The following RASSF3 variants were observed in gnomAD, a reference collection of about 807,000 sequenced individuals.
RASSF3 encodes Ras association domain family member 3.
Under a neutral mutation model 19.9 loss-of-function variants are expected in RASSF3, and 19 were observed. That is an observed-to-expected ratio of 0.96 (90% CI 0.67 to 1.40). The LOEUF (loss-of-function observed/expected upper bound fraction) is 1.40, where lower values mean the gene tolerates loss of function less well. Among genes scored for constraint, RASSF3 ranks in the 40% most tolerant of loss-of-function variants. The pLI is 0.00. For synonymous variants in RASSF3, 110 were observed against 104.2 expected (o/e 1.06, Z -0.34); for missense variants, 306 against 289.8 (o/e 1.06, Z -0.41).
intron 2 of RASSF3, among the ~76,000 whole-genome samples, chr12:64,577,320 C>G (rs1203284104): frequency 6.6e-6 from 1 of 152,238 alleles, no homozygotes; most frequent in Non-Finnish European, 1.5e-5. Flanking sequence ...AGAAATTCCA[C>G]TTGCTGCTGC....
intron 2 of RASSF3, among the ~76,000 whole-genome samples, chr12:64,563,173 AT>A (rs111541685): frequency 1.3e-4 from 19 of 145,550 alleles, no homozygotes; most frequent in South Asian, 4.4e-4. Flanking sequence ...TTTTATTTTT[AT>A]TTTTTTTTTG....
At position 64,564,873 on chromosome 12, in the gene RASSF3, T is replaced by C. The variant is rs188964162; in HGVS notation, c.294+23168T>C. Among the ~76,000 whole-genome samples the C allele has an allele frequency of 7.0e-3, 1,065 of 151,868 alleles. 3 individuals carry two copies. The highest frequency in any genetic ancestry group is 0.013 in the Admixed American group (201 of 15,242). On this transcript the variant is annotated intron_variant, in intron 2 of 5. Coordinates refer to the RASSF3 transcript ENST00000637125. ...TCGGCTCACTGCAACCTCCAGCTCCTGGGTTCAAGTGATTCTCCTGCCTTA... is the reference window on the plus strand; with the variant it reads ...TCGGCTCACTGCAACCTCCAGCTCCCGGGTTCAAGTGATTCTCCTGCCTTA...
At chr12:64,664,309 G>T (rs115825749) in intron 1 of RASSF3, among the ~76,000 whole-genome samples, 2,001 of 152,212 alleles carry the variant, frequency 0.013, 45 homozygotes, top group African/African-American at 0.045. Flanking sequence ...AAAAAATGCT[G>T]CATTTCAGAA....
chr12:64,579,799 GT>G (rs1430859856), intron 2 of RASSF3, among the ~76,000 whole-genome samples: 1 of 129,630 alleles, frequency 7.7e-6, no homozygotes, highest in Non-Finnish European at 1.6e-5. Flanking sequence ...AAAACTAGGT[GT>G]TTTTTTGGGT....
chr12:64,512,656 C>CA (rs545534678), intron 1 of RASSF3, among the ~76,000 whole-genome samples: 16 of 151,750 alleles, frequency 1.1e-4, no homozygotes, highest in South Asian at 4.2e-4. Flanking sequence ...CATTGTAATA[C>CA]AAAAAAAATC....
intron 1 of RASSF3, among the ~76,000 whole-genome samples, chr12:64,632,998 AG>A (rs531610551): frequency 8.7e-4 from 133 of 152,348 alleles, no homozygotes; most frequent in Non-Finnish European, 1.7e-3. Context: ...TAGCACATCT[AG>A]AATAAGCTAG....
At chr12:64,667,965 G>C (rs900283339) in intron 1 of RASSF3, among the ~76,000 whole-genome samples, 4 of 152,226 alleles carry the variant, frequency 2.6e-5, no homozygotes, top group African/African-American at 9.6e-5. Context: ...CACGCAGATA[G>C]CTGGCAACAG....
At chr12:64,639,907 G>A (rs1050343227) in intron 1 of RASSF3, among the ~76,000 whole-genome samples, 1 of 152,188 alleles carries the variant, frequency 6.6e-6, no homozygotes, top group East Asian at 1.9e-4. Context: ...GTGATGTGTC[G>A]TTATATTGCA....
intron 1 of RASSF3, among the ~76,000 whole-genome samples, chr12:64,679,557 T>C (rs1008178995): frequency 1.3e-5 from 2 of 152,138 alleles, no homozygotes; most frequent in Admixed American, 1.3e-4. Flanking sequence ...GCCGCACTTC[T>C]TGAGTAGAGC....
At chr12:64,642,865 C>CTTTTTTTTT (rs537286977) in intron 1 of RASSF3, among the ~76,000 whole-genome samples, 1 of 138,918 alleles carries the variant, frequency 7.2e-6, no homozygotes. Context: ...TTCTTTCTTT[C>CTTTTTTTTT]TTTTTTTTTT....
In RASSF3 at chr12:64,642,415, C is replaced by T. The variant is rs9738537; in HGVS notation, c.111+31672C>T. On this transcript the variant is annotated intron_variant, in intron 1 of 4. Coordinates refer to ENST00000542104, the MANE Select transcript of RASSF3 (RefSeq NM_178169.4). ...TCTCTACTAAAAATACAAAAATTAG[C>T]TGGGCATGGTGGCGGGTGCCTGTAG... 1.5e-4 allele frequency among the ~76,000 whole-genome samples: 23 copies of T among 151,608 alleles called. No individual in the cohort carries two copies. In the East Asian group the frequency reaches 2.1e-3, roughly 14 times the overall value.
intron 2 of RASSF3, among the ~76,000 whole-genome samples, chr12:64,592,539 C>T (rs56742550): frequency 0.01 from 1,522 of 152,196 alleles, 22 homozygotes; most frequent in African/African-American, 0.034. Flanking sequence ...ATTAGCCTGT[C>T]TTGCAATTGT....
intron 2 of RASSF3, among the ~76,000 whole-genome samples, chr12:64,586,677 C>T (rs1249093101): frequency 6.6e-6 from 1 of 151,834 alleles, no homozygotes; most frequent in Admixed American, 6.6e-5. Flanking sequence ...AATCCCAGCA[C>T]TTTGGGAGGC....
intron 2 of RASSF3, among the ~76,000 whole-genome samples, chr12:64,578,194 G>A (rs1254372191): frequency 6.6e-6 from 1 of 152,160 alleles, no homozygotes; most frequent in African/African-American, 2.4e-5. Context: ...CTGCACTCCA[G>A]CCTGGGCAAC....
intron 2 of RASSF3, among the ~76,000 whole-genome samples, chr12:64,578,041 A>C (rs1869624492): frequency 6.6e-6 from 1 of 152,074 alleles, no homozygotes; most frequent in Non-Finnish European, 1.5e-5. Context: ...CAACTTGGTG[A>C]AACCCCATCT....
intron 1 of RASSF3, among the ~76,000 whole-genome samples, chr12:64,538,253 A>C (rs1479322566): frequency 1.3e-5 from 2 of 152,108 alleles, no homozygotes; most frequent in Non-Finnish European, 2.9e-5. Context: ...TCAGCTTCCC[A>C]CAGGGTTGAG....
intron 1 of RASSF3, among the ~76,000 whole-genome samples, chr12:64,508,930 T>A (rs553114686): frequency 4.0e-5 from 6 of 149,840 alleles, no homozygotes; most frequent in Admixed American, 6.7e-5. Flanking sequence ...GCAATTCATT[T>A]AAAAAAAAAA....
intron 2 of RASSF3, 93 bp from the exon 3 acceptor site, chr12:64,688,123 G>T: frequency 1.2e-6 from 1 of 845,192 alleles, no homozygotes. Flanking sequence ...GAGAACAAAG[G>T]AGTGTTTCAC....
chr12:64,520,539 G>GATACACAC, intron 1 of RASSF3, among the ~76,000 whole-genome samples: 2 of 116,382 alleles, frequency 1.7e-5, no homozygotes, highest in Non-Finnish European at 3.5e-5. Context: ...TACACACACA[G>GATACACAC]ATACACACAT....
Sources: gnomAD v4.1 joint callset for allele counts (sites outside exome capture counted in the v4.1 genomes callset) on GRCh38, gnomAD v4.1.1 for gene constraint, MANE v1.5 for transcripts, NCBI Gene and HGNC (gene_info 2026-07-23, HGNC 2026-07-21) for gene names.